Variants in ARHGEF10L observed in about 807,000 individuals in gnomAD.
ARHGEF10L encodes Rho guanine nucleotide exchange factor 10 like.
In ARHGEF10L, 69 loss-of-function variants were observed where a neutral mutation model predicts 141.2. The observed-to-expected ratio is 0.49, with a 90% CI of 0.40 to 0.60. ARHGEF10L has a LOEUF of 0.60. ARHGEF10L is among the 20% of genes least tolerant of loss of function. The pLI, the probability that ARHGEF10L is intolerant of heterozygous loss-of-function variation, is 0.00. For missense variants in ARHGEF10L, 1,482 were observed against 1,734.3 expected, an observed-to-expected ratio of 0.85 and a Z score of 2.58; for synonymous variants, 711 against 718.5, an observed-to-expected ratio of 0.99 and a Z score of 0.17.
In ARHGEF10L at chr1:17,654,397, C is replaced by T. The variant is rs190169035; in HGVS notation, c.2395-239C>T. On this transcript the variant is annotated intron_variant, in intron 22 of 28. Transcript: ENST00000361221. The surrounding 1 kb of genome is among the most constrained non-coding windows in gnomAD (Gnocchi z 4.3). ...GCTGCTCACTTTCAGAGACCCTGGG[C>T]TGATACAGAGCCTCTTGCAGGCCTC... Among the ~76,000 whole-genome samples, 45 of 152,292 alleles carry T rather than the reference C, an allele frequency of 3.0e-4. No individual in the cohort carries two copies. Among genetic ancestry groups the T allele is most frequent in the Non-Finnish European group, 3.2e-4 (22 of 68,026 alleles).
At chr1:17,564,497 T>G (rs1446024398) in intron 1 of ARHGEF10L, among the ~76,000 whole-genome samples, 2 of 152,144 alleles carry the variant, frequency 1.3e-5, no homozygotes, top group African/African-American at 4.8e-5. Flanking sequence ...CCCACCTGAG[T>G]GTACCCCAGC....
chr1:17,696,699 A>C, intron 28 of ARHGEF10L, 149 bp from the exon 29 acceptor site: 1 of 784,996 alleles, frequency 1.3e-6, no homozygotes, highest in South Asian at 2.8e-5. Context: ...GGATAGCCAG[A>C]GCCTGTGGCC....
chr1:17,686,004 C>A (rs1248705207), intron 26 of ARHGEF10L, among the ~76,000 whole-genome samples: 5 of 152,204 alleles, frequency 3.3e-5, no homozygotes, highest in African/African-American at 1.2e-4. Flanking sequence ...CTGGAGTAAG[C>A]CTCAGGGTGC....
chr1:17,562,767 G>A (rs2077592801), intron 1 of ARHGEF10L, among the ~76,000 whole-genome samples: 1 of 152,244 alleles, frequency 6.6e-6, no homozygotes, highest in Non-Finnish European at 1.5e-5. Flanking sequence ...GAAGGAGGAA[G>A]CGCAGCCCAT....
rs771513979 is a variant in ARHGEF10L at position 17,627,285 on chromosome 1, A to C, written c.1411-45A>C. The C allele has an allele frequency of 6.3e-7, 1 of 1,595,676 alleles. No homozygotes were observed. Among genetic ancestry groups the C allele is most frequent in the Non-Finnish European group, 8.6e-7 (1 of 1,167,364 alleles). ...GAGGCTTTGCCCCAGGCTGGGGTAG[A>C]GTTGGTCATGGGTGGGCTGCTCAGT... On this transcript the variant is annotated intron_variant, in intron 14 of 28. Coordinates refer to ENST00000361221, the MANE Select transcript of ARHGEF10L (RefSeq NM_018125.4). The surrounding 1 kb of genome is among the most constrained non-coding windows in gnomAD (Gnocchi z 4.0).
rs150690361 is a variant in ARHGEF10L, at chr1:17,659,404, C to G, written c.2860+2696C>G. Among the ~76,000 whole-genome samples, 410 of 152,364 alleles carry G rather than the reference C, an allele frequency of 2.7e-3. 2 individuals carry two copies. The highest frequency in any genetic ancestry group is 9.6e-3 in the African/African-American group (399 of 41,584). On this transcript the variant is annotated intron_variant, in intron 25 of 28. Coordinates refer to ENST00000361221, the MANE Select transcript of ARHGEF10L (RefSeq NM_018125.4). ...TGGTGGGCAGGATTCACCCCCATCA[C>G]CTTCCACCTGGATTACATGCGGCCA...
intron 1 of ARHGEF10L, among the ~76,000 whole-genome samples, chr1:17,559,633 T>G (rs1024336653): frequency 7.9e-5 from 12 of 152,276 alleles, no homozygotes; most frequent in Admixed American, 7.2e-4. Context: ...TGGCCATGCC[T>G]GGGGGTCAGT....
intron 1 of ARHGEF10L, among the ~76,000 whole-genome samples, chr1:17,562,629 T>G (rs2077587113): frequency 6.6e-6 from 1 of 152,270 alleles, no homozygotes; most frequent in Non-Finnish European, 1.5e-5. Context: ...GATTTCATAC[T>G]TGTTAGCAGG....
rs565043435 is a variant in ARHGEF10L at position 17,606,790 on chromosome 1, A to G, written c.434-1012A>G. Among the ~76,000 whole-genome samples, 85 of 152,288 alleles carry G rather than the reference A, an allele frequency of 5.6e-4. No homozygotes were observed. The Middle Eastern group carries it at 0.02, about 37-fold the overall frequency. On this transcript the variant is annotated intron_variant, in intron 6 of 28. Coordinates refer to ENST00000361221, the MANE Select transcript of ARHGEF10L (RefSeq NM_018125.4). Reference sequence around the variant, plus strand: ...AGTGGGGCAAAGGGCCTTGCCCAAGATCCCCCAGTGACGGAGCTGGGGCTG... The same window carrying G: ...AGTGGGGCAAAGGGCCTTGCCCAAGGTCCCCCAGTGACGGAGCTGGGGCTG...
At chr1:17,579,397 A>C (rs943640821) in intron 1 of ARHGEF10L, among the ~76,000 whole-genome samples, 5 of 152,150 alleles carry the variant, frequency 3.3e-5, no homozygotes, top group Non-Finnish European at 5.9e-5. Flanking sequence ...GCTGCTTCTA[A>C]GCACAGACTC....
chr1:17,603,435 A>T lies in ARHGEF10L; in HGVS notation c.350-73A>T. 3 of 1,258,530 alleles carry T rather than the reference A, an allele frequency of 2.4e-6. No homozygotes were observed. The highest frequency in any genetic ancestry group is 3.7e-5 in the Admixed American group (2 of 53,934). 78.0% of individuals were successfully genotyped at this position (1,258,530 alleles called of 1,614,324 possible). On this transcript the variant is annotated intron_variant, in intron 5 of 28. Coordinates refer to ENST00000361221, the MANE Select transcript of ARHGEF10L (RefSeq NM_018125.4). The surrounding 1 kb of genome is among the most constrained non-coding windows in gnomAD (Gnocchi z 4.8). ...CGTGCCACCAGCTGGTGCAGTCCTG[A>T]TGTCATCTGCAGCACCTCTGGCCAG... is the stretch of plus-strand genomic sequence containing the variant.
Position 17,621,906 on chromosome 1 carries a change from G to A in ARHGEF10L, c.985G>A (p.Gly329Ser), listed in dbSNP as rs1027500105. 2.5e-6 allele frequency: 4 copies of A among 1,614,080 alleles called. No homozygotes were observed. Among genetic ancestry groups the A allele is most frequent in the Non-Finnish European group, 2.5e-6 (3 of 1,180,042 alleles). ...CCTGGGCTCCATCGTGCAGAGCGAA[G>A]GCAGCTACGTGGAGTCTCTGAAGCG... Reference protein sequence around the residue: ...HILGSIVQSEGSYVESLKRIL... With the variant: ...HILGSIVQSESSYVESLKRIL... The change falls in exon 11 of 29, where the codon GGC becomes AGC. Residue 329 changes from glycine to serine, a missense_variant. By Grantham distance (56) the Gly-to-Ser change is moderately conservative. Around this residue, in one of 3 missense-constraint regions of ARHGEF10L, gnomAD observed 392 missense variants for 542.1 expected, o/e 0.72. Coordinates refer to ENST00000361221, the MANE Select transcript of ARHGEF10L (RefSeq NM_018125.4). The surrounding 1 kb of genome is among the most constrained non-coding windows in gnomAD (Gnocchi z 4.1).
At chr1:17,662,439 G>C (rs550900333) in intron 25 of ARHGEF10L, among the ~76,000 whole-genome samples, 57 of 152,240 alleles carry the variant, frequency 3.7e-4, no homozygotes, top group Non-Finnish European at 6.6e-4. Flanking sequence ...AGTTCACACA[G>C]AAGTTCTGAG....
chr1:17,632,566 T>C (rs2060760938), intron 16 of ARHGEF10L, 100 bp downstream of exon 16: 1 of 1,507,150 alleles, frequency 6.6e-7, no homozygotes. Flanking sequence ...TGGGACCCCA[T>C]GTGAGCTTGG....
In ARHGEF10L at chr1:17,623,596, C is replaced by T. The variant is rs145515099; in HGVS notation, c.1200+421C>T. Among the ~76,000 whole-genome samples the T allele has an allele frequency of 3.3e-4, 51 of 152,300 alleles. No individual in the cohort carries two copies. Among genetic ancestry groups the T allele is most frequent in the Admixed American group, 3.1e-3 (47 of 15,300 alleles). ...GTGCTGGGGAAAGGGCACTGGCTCA[C>T]GATCCGGGGGACCTGGTTCTGGTCC... is the stretch of plus-strand genomic sequence containing the variant. On this transcript the variant is annotated intron_variant, in intron 12 of 28. Transcript: ENST00000361221. This position sits in a 1 kb window ranked among gnomAD's most constrained non-coding sequence, Gnocchi z 4.7.
intron 26 of ARHGEF10L, among the ~76,000 whole-genome samples, chr1:17,686,597 G>C (rs1045370634): frequency 1.3e-5 from 2 of 152,162 alleles, no homozygotes; most frequent in East Asian, 1.9e-4. Flanking sequence ...GACAGTTCGG[G>C]GGGGCAGTGC....
chr1:17,619,307 T>C lies in ARHGEF10L; in HGVS notation c.836-32T>C. 1 of 1,599,106 alleles carries C rather than the reference T, an allele frequency of 6.3e-7. No individual in the cohort carries two copies. Among genetic ancestry groups the C allele is most frequent in the Non-Finnish European group, 8.6e-7 (1 of 1,168,554 alleles). ...TGAGCAGGGTGTGCTGTCCCTGCCT[T>C]AGCTGTGTCATCGGCCCATCTGACT... On this transcript the variant is annotated intron_variant, in intron 9 of 28. Coordinates refer to ENST00000361221, the MANE Select transcript of ARHGEF10L (RefSeq NM_018125.4). The surrounding 1 kb of genome is among the most constrained non-coding windows in gnomAD (Gnocchi z 5.0).
upstream of ARHGEF10L, among the ~76,000 whole-genome samples, chr1:17,538,927 T>C (rs968535133): frequency 2.6e-5 from 4 of 152,148 alleles, no homozygotes; most frequent in African/African-American, 9.7e-5. Flanking sequence ...ATAACTGTAA[T>C]TAATTGCATC....
intron 6 of ARHGEF10L, among the ~76,000 whole-genome samples, chr1:17,605,450 C>G (rs549711824): frequency 7.8e-4 from 119 of 152,260 alleles, no homozygotes; most frequent in Non-Finnish European, 1.2e-3. Context: ...CATGAGGGGA[C>G]CCTTATGTGG....
Sources: gnomAD v4.1 joint callset for allele counts (sites outside exome capture counted in the v4.1 genomes callset) on GRCh38, gnomAD v4.1.1 for gene constraint, gnomAD v4.1.1 regional missense constraint, Gnocchi (gnomAD v3.1) non-coding constraint, MANE v1.5 for transcripts, NCBI Gene and HGNC (gene_info 2026-07-23, HGNC 2026-07-21) for gene names.